The following NRG3 variants were observed in gnomAD, a reference collection of about 807,000 sequenced individuals.
NRG3 encodes the protein neuregulin 3, also known as pro-neuregulin-3, membrane-bound isoform.
NRG3 carries 31 observed loss-of-function variants against 66.9 expected under a neutral mutation model. The observed-to-expected ratio is 0.46, with a 90% CI of 0.35 to 0.63. The LOEUF is 0.63. NRG3 is among the 20% of genes least tolerant of loss of function. The pLI, the probability that NRG3 is intolerant of heterozygous loss-of-function variation, is 0.00. For synonymous variants in NRG3, 393 were observed against 359.4 expected, an observed-to-expected ratio of 1.09 and a Z score of -1.06; for missense variants, 910 against 878.9, an observed-to-expected ratio of 1.04 and a Z score of -0.45.
At chr10:82,066,627 A>T (rs190107380) in intron 1 of NRG3, among the ~76,000 whole-genome samples, 1 of 152,176 alleles carries the variant, frequency 6.6e-6, no homozygotes, top group South Asian at 2.1e-4. Context: ...TTAAAATTCT[A>T]TAAGATCCAT....
chr10:81,963,125 CTTTT>C (rs777026850), intron 1 of NRG3, among the ~76,000 whole-genome samples: 3 of 70,122 alleles, frequency 4.3e-5, no homozygotes, highest in Non-Finnish European at 7.7e-5. Flanking sequence ...CACGAGGGCT[CTTTT>C]TTTTTTTTTT....
At chr10:82,397,852 G>C (rs749813133) in intron 2 of NRG3, among the ~76,000 whole-genome samples, 1 of 152,120 alleles carries the variant, frequency 6.6e-6, no homozygotes, top group East Asian at 1.9e-4. Flanking sequence ...TTATCCCAGC[G>C]AGTAAAAGGC....
At chr10:82,758,239 C>T (rs2059157797) in intron 3 of NRG3, among the ~76,000 whole-genome samples, 1 of 152,100 alleles carries the variant, frequency 6.6e-6, no homozygotes, top group African/African-American at 2.4e-5. Context: ...CAGTGTTGGG[C>T]ATAGCCCTGG....
chr10:82,621,924 C>T (rs774372964), intron 2 of NRG3, among the ~76,000 whole-genome samples: 35 of 152,230 alleles, frequency 2.3e-4, no homozygotes, highest in Non-Finnish European at 4.4e-4. Flanking sequence ...ATGTAATAAC[C>T]GTAATTGGCA....
chr10:82,794,883 G>A (rs1165242717), intron 3 of NRG3, among the ~76,000 whole-genome samples: 2 of 152,030 alleles, frequency 1.3e-5, no homozygotes, highest in East Asian at 3.9e-4. Flanking sequence ...TGAAATAGTG[G>A]CCACTCACCC....
At chr10:82,309,466 C>CAA (rs774666582) in intron 1 of NRG3, among the ~76,000 whole-genome samples, 35 of 139,158 alleles carry the variant, frequency 2.5e-4, no homozygotes, top group Middle Eastern at 7.4e-3. Flanking sequence ...CTTTGCATTA[C>CAA]AAAAAAAAAA....
intron 1 of NRG3, among the ~76,000 whole-genome samples, chr10:82,104,160 T>C (rs993107929): frequency 2.6e-5 from 4 of 152,184 alleles, no homozygotes; most frequent in African/African-American, 9.7e-5. Context: ...ATTTTCTTTT[T>C]GTATTTCTGT....
chr10:82,590,676 G>C (rs1222990396), intron 2 of NRG3, among the ~76,000 whole-genome samples: 2 of 152,116 alleles, frequency 1.3e-5, no homozygotes, highest in East Asian at 3.9e-4. Context: ...GCTCAGCTTG[G>C]GCTGTAGAGT....
intron 2 of NRG3, among the ~76,000 whole-genome samples, chr10:82,717,154 G>T (rs1239274300): frequency 6.6e-6 from 1 of 152,090 alleles, no homozygotes; most frequent in Non-Finnish European, 1.5e-5. Context: ...ATACCTTAAA[G>T]ATGTAGGTGC....
chr10:81,919,768 C>T (rs1320358601), intron 1 of NRG3, among the ~76,000 whole-genome samples: 3 of 151,902 alleles, frequency 2.0e-5, no homozygotes, highest in Non-Finnish European at 4.4e-5. Context: ...AATGAGACAC[C>T]CATGAATGTC....
intron 1 of NRG3, among the ~76,000 whole-genome samples, chr10:82,059,075 T>C (rs2063996540): frequency 6.6e-6 from 1 of 152,148 alleles, no homozygotes; most frequent in African/African-American, 2.4e-5. Context: ...GGGAGAGGTA[T>C]ACATTGTGAT....
chr10:82,694,171 C>A (rs1261604919), intron 2 of NRG3, among the ~76,000 whole-genome samples: 1 of 152,094 alleles, frequency 6.6e-6, no homozygotes, highest in African/African-American at 2.4e-5. Flanking sequence ...CTGGTTGGTG[C>A]GTTTTTACAG....
chr10:81,943,346 A>G (rs1848560233), intron 1 of NRG3, among the ~76,000 whole-genome samples: 1 of 152,066 alleles, frequency 6.6e-6, no homozygotes, highest in African/African-American at 2.4e-5. Context: ...TTGCCATTGC[A>G]CTCCATCCTG....
chr10:82,018,536 T>C (rs1332186703), intron 1 of NRG3, among the ~76,000 whole-genome samples: 1 of 152,200 alleles, frequency 6.6e-6, no homozygotes, highest in African/African-American at 2.4e-5. Context: ...AGCATGGCCA[T>C]TTTCATGATA....
At chr10:82,182,342 T>G (rs187145983) in intron 1 of NRG3, among the ~76,000 whole-genome samples, 1 of 151,730 alleles carries the variant, frequency 6.6e-6, no homozygotes, top group South Asian at 2.1e-4. Context: ...TTTTGATATC[T>G]TCCTTTATGT....
chr10:82,217,887 G>A (rs1205157738), intron 1 of NRG3, among the ~76,000 whole-genome samples: 1 of 151,888 alleles, frequency 6.6e-6, no homozygotes, highest in Non-Finnish European at 1.5e-5. Flanking sequence ...TACTCAAAAG[G>A]CCTATCTTAT....
chr10:82,669,279 TAATA>T (rs1308321385), intron 2 of NRG3, among the ~76,000 whole-genome samples: 1 of 147,214 alleles, frequency 6.8e-6, no homozygotes, highest in African/African-American at 2.6e-5. Context: ...ATAATAATAA[TAATA>T]ATAATCAGAA....
chr10:82,291,177 C>A (rs565400203), intron 1 of NRG3, among the ~76,000 whole-genome samples: 3 of 152,040 alleles, frequency 2.0e-5, no homozygotes, highest in African/African-American at 7.2e-5. Flanking sequence ...CACACACGCA[C>A]GCACCAGTCA....
At chr10:82,180,395 T>G (rs1164357068) in intron 1 of NRG3, among the ~76,000 whole-genome samples, 1 of 151,858 alleles carries the variant, frequency 6.6e-6, no homozygotes, top group Non-Finnish European at 1.5e-5. Context: ...ATATGGCCTT[T>G]ATTATGTTTG....
Sources: allele counts gnomAD v4.1 joint callset (sites outside exome capture counted in the v4.1 genomes callset), GRCh38; gene constraint gnomAD v4.1.1; transcripts MANE v1.5; gene names NCBI Gene and HGNC (gene_info 2026-07-23, HGNC 2026-07-21).